The following TP63 variants were observed in gnomAD, a reference collection of about 807,000 sequenced individuals.
The protein encoded by TP63 is tumor protein p63.
A neutral mutation model predicts 82.8 loss-of-function variants in TP63; 17 were observed. The observed-to-expected ratio is 0.21, with a 90% CI of 0.14 to 0.31. TP63 has a LOEUF of 0.31. Among genes scored for constraint, TP63 ranks in the 10% least tolerant of loss-of-function variants. The probability of loss-of-function intolerance (pLI) is 1.00; values close to 1 mark genes in which losing one functional copy is unlikely to be tolerated. For synonymous variants in TP63, 330 were observed against 321.7 expected (o/e 1.03, Z -0.28); for missense variants, 648 against 895.3 (o/e 0.72, Z 3.52).
intron 4 of TP63, among the ~76,000 whole-genome samples, chr3:189,842,248 A>G (rs556150878): frequency 1.3e-5 from 2 of 152,034 alleles, no homozygotes; most frequent in South Asian, 4.2e-4. Flanking sequence ...GAGCGCGTGT[A>G]TGTCACGTCT....
intron 4 of TP63, among the ~76,000 whole-genome samples, chr3:189,831,697 C>T (rs753370684): frequency 1.3e-4 from 20 of 151,502 alleles, no homozygotes; most frequent in Admixed American, 2.6e-4. Context: ...TTCTCTAATA[C>T]GAGAACACTG....
intron 1 of TP63, among the ~76,000 whole-genome samples, chr3:189,677,409 C>CACATATACATATATACAT (rs1560103833): frequency 1.8e-4 from 15 of 81,102 alleles, no homozygotes; most frequent in Non-Finnish European, 3.6e-4. Flanking sequence ...TATATATATA[C>CACATATACATATATACAT]ATATATACAC....
chr3:189,614,937 G>GA, the TP63 span, among the ~76,000 whole-genome samples: 2 of 152,180 alleles, frequency 1.3e-5, no homozygotes, highest in African/African-American at 4.8e-5. Flanking sequence ...ACAGACAATG[G>GA]AATGCATTCA....
chr3:189,840,359 C>CTTTTTTTTTTTTTTTTTTTTTTT, intron 4 of TP63, among the ~76,000 whole-genome samples: 3 of 44,448 alleles, frequency 6.7e-5, no homozygotes, highest in African/African-American at 1.1e-4. Context: ...TGCTTTTCGT[C>CTTTTTTTTTTTTTTTTTTTTTTT]TTTTTTTTTT....
At chr3:189,831,237 G>C (rs1036202481) in intron 4 of TP63, among the ~76,000 whole-genome samples, 1 of 152,124 alleles carries the variant, frequency 6.6e-6, no homozygotes, top group Admixed American at 6.5e-5. Flanking sequence ...GCTGTTTGAG[G>C]TTCCTTGGGT....
At position 189,647,452 on chromosome 3, in the gene TP63, C is replaced by G. The variant is rs1712511353; in HGVS notation, c.62+15875C>G. ...TATGACTCATATTTCAGCAACCTAC[C>G]TCTAAGATGGTCCAACTCAACAGGT... On this transcript the variant is annotated intron_variant, in intron 1 of 13. Transcript: ENST00000264731. Among the ~76,000 whole-genome samples, 2 of 146,916 alleles carry G rather than the reference C, an allele frequency of 1.4e-5. 1 individual carries two copies. Among genetic ancestry groups the G allele is most frequent in the South Asian group, 4.5e-4 (2 of 4,460 alleles).
intron 1 of TP63, among the ~76,000 whole-genome samples, chr3:189,662,456 T>G (rs74543052): frequency 0.013 from 1,945 of 152,094 alleles, 48 homozygotes; most frequent in African/African-American, 0.044. Context: ...CAGTTTTTTT[T>G]AATTTATTGA....
intron 1 of TP63, among the ~76,000 whole-genome samples, chr3:189,679,888 T>C (rs60045731): frequency 0.016 from 2,477 of 152,258 alleles, 74 homozygotes; most frequent in African/African-American, 0.056. Context: ...TTCCCTATTG[T>C]ATGTTCTTGG....
intron 3 of TP63, among the ~76,000 whole-genome samples, chr3:189,743,971 A>G (rs1009149095): frequency 4.6e-5 from 7 of 152,172 alleles, no homozygotes; most frequent in African/African-American, 1.7e-4. Flanking sequence ...TGCTCCAGAG[A>G]GGGAGCTCAT....
At chr3:189,836,455 CA>C (rs1713165111) in intron 4 of TP63, among the ~76,000 whole-genome samples, 1 of 152,140 alleles carries the variant, frequency 6.6e-6, no homozygotes, top group Non-Finnish European at 1.5e-5. Context: ...TTGGGCAAAG[CA>C]AAGCGTTTTT....
At chr3:189,804,795 T>G (rs1194662157) in intron 3 of TP63, among the ~76,000 whole-genome samples, 1 of 152,222 alleles carries the variant, frequency 6.6e-6, no homozygotes, top group Non-Finnish European at 1.5e-5. Flanking sequence ...GTTAGTAGTG[T>G]CAGTTTTACG....
intron 4 of TP63, among the ~76,000 whole-genome samples, chr3:189,833,159 T>C (rs984793564): frequency 5.9e-5 from 9 of 152,340 alleles, no homozygotes; most frequent in African/African-American, 2.2e-4. Flanking sequence ...TTTAAGCCTT[T>C]TGTTATTCAT....
intron 3 of TP63, among the ~76,000 whole-genome samples, chr3:189,774,956 G>A (rs142895918): frequency 4.6e-5 from 7 of 152,212 alleles, no homozygotes; most frequent in African/African-American, 7.2e-5. Flanking sequence ...GGTGGCTCAC[G>A]CCTGTAATCC....
At chr3:189,839,777 A>T (rs77921882) in intron 4 of TP63, among the ~76,000 whole-genome samples, 2 of 152,074 alleles carry the variant, frequency 1.3e-5, no homozygotes, top group Non-Finnish European at 2.9e-5. Flanking sequence ...TTTTCTCCAC[A>T]CTCAGGACAA....
intron 1 of TP63, among the ~76,000 whole-genome samples, chr3:189,720,563 C>T (rs140760628): frequency 1.5e-4 from 23 of 151,782 alleles, no homozygotes; most frequent in African/African-American, 5.3e-4. Flanking sequence ...GGAGAAACCC[C>T]GTCTCTACGA....
chr3:189,775,087 G>T (rs1480099359), intron 3 of TP63, among the ~76,000 whole-genome samples: 1 of 152,030 alleles, frequency 6.6e-6, no homozygotes, highest in African/African-American at 2.4e-5. Context: ...AGGCGTGATG[G>T]CAGGCACCTA....
intron 1 of TP63, among the ~76,000 whole-genome samples, chr3:189,656,527 A>G (rs963774292): frequency 6.6e-6 from 1 of 152,156 alleles, no homozygotes; most frequent in Non-Finnish European, 1.5e-5. Context: ...ATCACATTAA[A>G]TGTGAATGGT....
chr3:189,873,788 G>A lies in TP63; in HGVS notation c.1349+793G>A, dbSNP rs557226455. 9.2e-5 allele frequency among the ~76,000 whole-genome samples: 14 copies of A among 152,218 alleles called. No individual in the cohort carries two copies. In the South Asian group the frequency reaches 2.7e-3, roughly 29 times the overall value. Reference sequence around the variant, plus strand: ...GGACCTTGTTTATATTTACCTTTCTGTGGTTAAAAATAATCACTTGTTAGT... The same window carrying A: ...GGACCTTGTTTATATTTACCTTTCTATGGTTAAAAATAATCACTTGTTAGT... On this transcript the variant is annotated intron_variant, in intron 10 of 13. Transcript: ENST00000264731.
intron 6 of TP63, 56 bp from the exon 7 acceptor site, chr3:189,867,777 G>A (rs1003053339): frequency 3.1e-5 from 46 of 1,479,504 alleles, no homozygotes; most frequent in Non-Finnish European, 3.9e-5. Flanking sequence ...GAACTGAGAA[G>A]GAACAACGTC....
Sources: allele counts gnomAD v4.1 joint callset (sites outside exome capture counted in the v4.1 genomes callset), GRCh38; gene constraint gnomAD v4.1.1; transcripts MANE v1.5; gene names NCBI Gene and HGNC (gene_info 2026-07-23, HGNC 2026-07-21).